Variants in PWWP3A observed in about 807,000 individuals in gnomAD.
PWWP3A encodes the protein PWWP domain containing 3A, DNA repair factor, also known as PWWP domain-containing DNA repair factor 3A.
Under a neutral mutation model 79.0 loss-of-function variants are expected in PWWP3A, and 53 were observed. The ratio of observed to expected loss-of-function variants is 0.67; its 90% CI spans 0.54 to 0.84. The LOEUF is 0.84. Ranked by LOEUF, PWWP3A falls within the 40% of genes least tolerant of loss-of-function variation. The probability of loss-of-function intolerance (pLI) is 0.00; values close to 1 mark genes in which losing one functional copy is unlikely to be tolerated. For synonymous variants in PWWP3A, 443 were observed against 394.4 expected (o/e 1.12, Z -1.46); for missense variants, 973 against 948.0 (o/e 1.03, Z -0.35).
chr19:1,373,370 C>T, intron 13 of PWWP3A: 1 of 588,562 alleles, frequency 1.7e-6, no homozygotes, highest in Non-Finnish European at 3.0e-6. Flanking sequence ...GGTCTCCCAG[C>T]TGGTCGCTGT....
At chr19:1,371,677 T>C (rs1470184203) in intron 12 of PWWP3A, among the ~76,000 whole-genome samples, 2 of 152,138 alleles carry the variant, frequency 1.3e-5, no homozygotes, top group East Asian at 3.9e-4. Context: ...GAAAAAAACA[T>C]ACTCAAAACT....
At chr19:1,373,386 G>A in intron 13 of PWWP3A, 1 of 576,648 alleles carries the variant, frequency 1.7e-6, no homozygotes, top group South Asian at 2.1e-5. Flanking sequence ...GCTGTGGGCA[G>A]CACGGGGCCA....
Sources: allele counts gnomAD v4.1 joint callset (sites outside exome capture counted in the v4.1 genomes callset), GRCh38; gene constraint gnomAD v4.1.1; transcripts MANE v1.5; gene names NCBI Gene and HGNC (gene_info 2026-07-23, HGNC 2026-07-21).